The following IQCM variants were observed in gnomAD, a reference collection of about 807,000 sequenced individuals.
IQCM encodes the protein IQ motif containing M.
A neutral mutation model predicts 57.6 loss-of-function variants in IQCM; 45 were observed. The ratio of observed to expected loss-of-function variants is 0.78; its 90% CI spans 0.62 to 1.00. The LOEUF (loss-of-function observed/expected upper bound fraction) is 1.00. IQCM is among the 50% of genes least tolerant of loss of function. The pLI, the probability that IQCM is intolerant of heterozygous loss-of-function variation, is 0.00. For missense variants in IQCM, 468 were observed against 511.6 expected, an observed-to-expected ratio of 0.91 and a Z score of 0.82; for synonymous variants, 148 against 158.9, an observed-to-expected ratio of 0.93 and a Z score of 0.51.
chr4:149,806,753 A>C (rs1368185082), intron 2 of IQCM, among the ~76,000 whole-genome samples: 1 of 151,988 alleles, frequency 6.6e-6, no homozygotes, highest in Non-Finnish European at 1.5e-5. Context: ...TTTGAAAACA[A>C]GCTTGTAAAC....
At chr4:149,642,029 C>T (rs1758238905) in intron 7 of IQCM, among the ~76,000 whole-genome samples, 1 of 152,016 alleles carries the variant, frequency 6.6e-6, no homozygotes, top group East Asian at 1.9e-4. Flanking sequence ...AGTGTGTATA[C>T]TCAAGAAGAA....
At chr4:149,733,923 C>T (rs957833915) in intron 4 of IQCM, among the ~76,000 whole-genome samples, 7 of 152,030 alleles carry the variant, frequency 4.6e-5, no homozygotes, top group Admixed American at 6.6e-5. Flanking sequence ...GCTAACATCC[C>T]CCAAATCTCT....
At chr4:149,531,270 G>T (rs1308411690) in intron 12 of IQCM, among the ~76,000 whole-genome samples, 1 of 152,070 alleles carries the variant, frequency 6.6e-6, no homozygotes, top group Non-Finnish European at 1.5e-5. Flanking sequence ...GCATCTGTAT[G>T]GTACGCCAGT....
At chr4:149,676,880 C>G (rs1761794112) in intron 7 of IQCM, among the ~76,000 whole-genome samples, 1 of 151,836 alleles carries the variant, frequency 6.6e-6, no homozygotes, top group Non-Finnish European at 1.5e-5. Flanking sequence ...GCATAACCCC[C>G]TAGAAAACCA....
chr4:149,710,860 A>G (rs550727520), intron 5 of IQCM: 1 of 152,204 alleles, frequency 6.6e-6, no homozygotes, highest in South Asian at 2.1e-4. Flanking sequence ...GAGTAGCAGT[A>G]GTCCAATATT....
rs148080735 is a variant in IQCM at position 149,428,361 on chromosome 4, G to T, written c.1390+5035C>A. ...TTCACAATAAATCAAACATGTATTG[G>T]ATTATCATGTTGTATTCTGAGCTTC... On this transcript the variant is annotated intron_variant, in intron 13 of 13. Coordinates refer to ENST00000636793, the MANE Select transcript of IQCM (RefSeq NM_001363507.2). 2.9e-3 allele frequency among the ~76,000 whole-genome samples: 440 copies of T among 151,810 alleles called. 1 individual carries two copies. The highest frequency in any genetic ancestry group is 6.2e-3 in the Admixed American group (94 of 15,192).
chr4:149,700,035 G>A (rs1486095029), intron 5 of IQCM, among the ~76,000 whole-genome samples: 6 of 151,944 alleles, frequency 3.9e-5, no homozygotes, highest in Admixed American at 1.3e-4. Flanking sequence ...CATTATTCAT[G>A]TAGATAACAC....
intron 8 of IQCM, among the ~76,000 whole-genome samples, chr4:149,619,039 T>C (rs1157105134): frequency 2.0e-5 from 3 of 149,392 alleles, no homozygotes; most frequent in Non-Finnish European, 4.4e-5. Context: ...GCAGCACTGT[T>C]TACAATAACA....
intron 12 of IQCM, among the ~76,000 whole-genome samples, chr4:149,477,652 T>C (rs938351689): frequency 6.6e-6 from 1 of 152,068 alleles, no homozygotes; most frequent in African/African-American, 2.4e-5. Context: ...AAGGATGAAA[T>C]TATGCTTTCA....
chr4:149,613,054 G>T (rs1194358222), intron 8 of IQCM, among the ~76,000 whole-genome samples: 1 of 151,898 alleles, frequency 6.6e-6, no homozygotes, highest in Non-Finnish European at 1.5e-5. Flanking sequence ...TGAATAAAAA[G>T]AATTTTTAAA....
intron 8 of IQCM, among the ~76,000 whole-genome samples, chr4:149,615,812 C>T (rs1323188937): frequency 6.6e-6 from 1 of 152,128 alleles, no homozygotes; most frequent in African/African-American, 2.4e-5. Flanking sequence ...GTTTCCTATG[C>T]CCTTGTTTCC....
intron 2 of IQCM, among the ~76,000 whole-genome samples, chr4:149,778,281 C>A (rs958419328): frequency 6.6e-6 from 1 of 151,998 alleles, no homozygotes; most frequent in South Asian, 2.1e-4. Flanking sequence ...GAGGCTGAGG[C>A]AGGAGAATGG....
At chr4:149,702,413 C>A (rs573253486) in intron 5 of IQCM, among the ~76,000 whole-genome samples, 109 of 151,668 alleles carry the variant, frequency 7.2e-4, no homozygotes, top group Non-Finnish European at 1.3e-3. Flanking sequence ...AACCAAAAAT[C>A]AAATACATAA....
chr4:149,499,129 A>G (rs1246760032), intron 12 of IQCM, among the ~76,000 whole-genome samples: 3 of 152,170 alleles, frequency 2.0e-5, no homozygotes, highest in Admixed American at 2.0e-4. Context: ...AAAGCAGAGA[A>G]AGCATATATT....
intron 8 of IQCM, among the ~76,000 whole-genome samples, chr4:149,603,220 C>G (rs1177443173): frequency 6.6e-6 from 1 of 151,958 alleles, no homozygotes; most frequent in Non-Finnish European, 1.5e-5. Context: ...TTTTGCTCAT[C>G]TGAGTTTTCT....
chr4:149,404,265 TC>T (rs1732824811), intron 13 of IQCM, among the ~76,000 whole-genome samples: 1 of 151,990 alleles, frequency 6.6e-6, no homozygotes, highest in Non-Finnish European at 1.5e-5. Flanking sequence ...ATCAGACAAA[TC>T]AACATAGAAA....
chr4:149,755,772 T>C (rs1214253741), intron 2 of IQCM, among the ~76,000 whole-genome samples: 2 of 152,208 alleles, frequency 1.3e-5, no homozygotes, highest in African/African-American at 2.4e-5. Flanking sequence ...TTTTTCCAGG[T>C]GCACTTGAAG....
At chr4:149,359,063 G>C (rs1001190035) in intron 13 of IQCM, among the ~76,000 whole-genome samples, 1 of 152,090 alleles carries the variant, frequency 6.6e-6, no homozygotes, top group Admixed American at 6.5e-5. Context: ...AAGCTGGGTA[G>C]AGAGATCATA....
intron 12 of IQCM, among the ~76,000 whole-genome samples, chr4:149,483,991 T>C (rs917233929): frequency 2.0e-5 from 3 of 152,036 alleles, no homozygotes; most frequent in Admixed American, 2.0e-4. Flanking sequence ...GATATCCTCT[T>C]GCTAAATTAA....
Sources: gnomAD v4.1 joint callset for allele counts (sites outside exome capture counted in the v4.1 genomes callset) on GRCh38, gnomAD v4.1.1 for gene constraint, MANE v1.5 for transcripts, NCBI Gene and HGNC (gene_info 2026-07-23, HGNC 2026-07-21) for gene names.